Variants in FAM184B observed in about 807,000 individuals in gnomAD.
FAM184B encodes the protein family with sequence similarity 184 member B.
Under a neutral mutation model 135.9 loss-of-function variants are expected in FAM184B, and 111 were observed. That is an observed-to-expected ratio of 0.82 (90% CI 0.70 to 0.96). The LOEUF is 0.96. FAM184B is among the 40% of genes least tolerant of loss of function. The pLI is 0.00. For missense variants in FAM184B, 1,375 were observed against 1,323.9 expected (o/e 1.04, Z -0.60); for synonymous variants, 552 against 524.8 (o/e 1.05, Z -0.71).
chr4:17,724,355 A>G (rs1717596490), intron 1 of FAM184B, among the ~76,000 whole-genome samples: 1 of 152,168 alleles, frequency 6.6e-6, no homozygotes, highest in South Asian at 2.1e-4. Context: ...ATACCATCAA[A>G]ATACTCTCCA....
chr4:17,655,093 GC>G (rs1268545866), intron 10 of FAM184B, among the ~76,000 whole-genome samples: 2 of 152,034 alleles, frequency 1.3e-5, no homozygotes, highest in African/African-American at 4.8e-5. Flanking sequence ...TGATCCTCCC[GC>G]ATTGGCCTCC....
intron 1 of FAM184B, among the ~76,000 whole-genome samples, chr4:17,760,865 G>A (rs1055186730): frequency 1.3e-5 from 2 of 152,206 alleles, no homozygotes; most frequent in Admixed American, 1.3e-4. Flanking sequence ...ATTTTCAGTT[G>A]AGTCGTGCTG....
intron 7 of FAM184B, among the ~76,000 whole-genome samples, chr4:17,673,908 T>C (rs1716251500): frequency 6.6e-6 from 1 of 151,922 alleles, no homozygotes; most frequent in African/African-American, 2.4e-5. Context: ...ACCAATAACC[T>C]ATGGAAATAA....
chr4:17,739,665 C>T (rs969454622), intron 1 of FAM184B, among the ~76,000 whole-genome samples: 11 of 144,002 alleles, frequency 7.6e-5, no homozygotes, highest in African/African-American at 2.8e-4. Flanking sequence ...AGTGATTCTC[C>T]TGCCTCAGCG....
At chr4:17,650,779 A>G (rs988128881) in intron 11 of FAM184B, among the ~76,000 whole-genome samples, 2 of 152,216 alleles carry the variant, frequency 1.3e-5, no homozygotes, top group Admixed American at 6.5e-5. Context: ...ACTTCCTCAG[A>G]AACATGCAGT....
chr4:17,742,180 T>A (rs1331701325), intron 1 of FAM184B, among the ~76,000 whole-genome samples: 2 of 143,756 alleles, frequency 1.4e-5, no homozygotes, highest in East Asian at 2.0e-4. Context: ...TTTTTTTTTT[T>A]AAAGAGGCTG....
chr4:17,756,004 G>A (rs899456943), intron 1 of FAM184B, among the ~76,000 whole-genome samples: 3 of 152,070 alleles, frequency 2.0e-5, no homozygotes, highest in Non-Finnish European at 4.4e-5. Context: ...AAATCACCAT[G>A]GCACATGTTT....
intron 1 of FAM184B, among the ~76,000 whole-genome samples, chr4:17,752,765 C>T (rs147599084): frequency 6.6e-5 from 10 of 152,222 alleles, no homozygotes; most frequent in Non-Finnish European, 1.5e-4. Context: ...CAAACCGATA[C>T]ATATGACAGC....
intron 1 of FAM184B, among the ~76,000 whole-genome samples, chr4:17,754,604 A>G (rs1718380460): frequency 6.6e-6 from 1 of 151,760 alleles, no homozygotes; most frequent in Non-Finnish European, 1.5e-5. Context: ...TTAGATCTAC[A>G]GCATAAAATT....
rs34197597 is a variant in FAM184B, at chr4:17,684,222, CTATTAT to C, written c.1596+4196_1596+4201del. 4.4e-4 allele frequency among the ~76,000 whole-genome samples: 64 copies of C among 144,552 alleles called. No individual in the cohort carries two copies. In the East Asian group the frequency reaches 0.011, roughly 26 times the overall value. The allele number at this position is 144,552 out of a possible 152,430, so 94.8% of individuals were successfully genotyped here. ...TATATAAAAAATAATAATATAATTA[CTATTAT>C]TATTATTATTATTCATGAGAGTATC... is the stretch of plus-strand genomic sequence containing the variant. On this transcript the variant is annotated intron_variant, in intron 7 of 17. Transcript: ENST00000265018.
At chr4:17,647,614 G>T in intron 12 of FAM184B, 23 bp downstream of exon 12, 3 of 1,541,094 alleles carry the variant, frequency 1.9e-6, no homozygotes, top group Non-Finnish European at 1.8e-6. Context: ...GGGTATTGCT[G>T]GTGCAAGGGC....
At chr4:17,747,594 C>T (rs2108986498) in intron 1 of FAM184B, among the ~76,000 whole-genome samples, 1 of 152,000 alleles carries the variant, frequency 6.6e-6, no homozygotes, top group South Asian at 2.1e-4. Context: ...GAGTTTGAGG[C>T]CAGCTGGGCC....
At chr4:17,700,400 C>CA (rs1170466424) in intron 5 of FAM184B, among the ~76,000 whole-genome samples, 8 of 151,860 alleles carry the variant, frequency 5.3e-5, no homozygotes, top group African/African-American at 1.9e-4. Context: ...GACTTCAGGA[C>CA]AAAAAATATT....
At chr4:17,737,405 T>C (rs1243163371) in intron 1 of FAM184B, among the ~76,000 whole-genome samples, 2 of 151,836 alleles carry the variant, frequency 1.3e-5, no homozygotes, top group Non-Finnish European at 2.9e-5. Context: ...TCATATTAAA[T>C]TGGAAAGGAA....
chr4:17,682,156 T>C (rs1716457233), intron 7 of FAM184B, among the ~76,000 whole-genome samples: 1 of 152,118 alleles, frequency 6.6e-6, no homozygotes, highest in Admixed American at 6.5e-5. Context: ...GGCAGGTGTA[T>C]ATATGAAAAC....
Position 17,655,362 on chromosome 4 carries a change from G to A in FAM184B, c.2038-2379C>T, listed in dbSNP as rs900228149. The stretch of plus-strand genomic sequence containing the variant: ...TCTCCATCCCTGGGGGCAAGTAAAG[G>A]TTCAGGTCAGCACTGCCCACTCACT... On this transcript the variant is annotated intron_variant, in intron 10 of 17. Coordinates refer to ENST00000265018, the MANE Select transcript of FAM184B (RefSeq NM_015688.2). Among the ~76,000 whole-genome samples the A allele has an allele frequency of 2.6e-5, 4 of 152,110 alleles. No homozygotes were observed. The East Asian group carries it at 7.7e-4, about 29-fold the overall frequency.
rs1263002348 is a variant in FAM184B at position 17,716,849 on chromosome 4, G to C, written c.142-7205C>G. On this transcript the variant is annotated intron_variant, in intron 1 of 17. Transcript: ENST00000265018. The stretch of plus-strand genomic sequence containing the variant: ...TTATTCTATTCTATTGTCTCCCTCT[G>C]TCTTCCAGGCTGAAGTGCAGTGGTG... Among the ~76,000 whole-genome samples the C allele has an allele frequency of 8.6e-5, 13 of 151,356 alleles. 1 individual carries two copies. The highest frequency in any genetic ancestry group is 7.9e-4 in the Admixed American group (12 of 15,198).
At chr4:17,733,283 G>C (rs963956447) in intron 1 of FAM184B, among the ~76,000 whole-genome samples, 7 of 152,204 alleles carry the variant, frequency 4.6e-5, no homozygotes, top group African/African-American at 1.7e-4. Flanking sequence ...GCACAAGACA[G>C]GGATGCCCTC....
At chr4:17,751,243 G>A (rs768116245) in intron 1 of FAM184B, among the ~76,000 whole-genome samples, 20 of 149,804 alleles carry the variant, frequency 1.3e-4, no homozygotes, top group Non-Finnish European at 2.8e-4. Context: ...GGGAGGTGGA[G>A]GTTGCAGTAA....
Sources: gnomAD v4.1 joint callset for allele counts (sites outside exome capture counted in the v4.1 genomes callset) on GRCh38, gnomAD v4.1.1 for gene constraint, MANE v1.5 for transcripts, NCBI Gene and HGNC (gene_info 2026-07-23, HGNC 2026-07-21) for gene names.